The following ENPP6 variants were observed in gnomAD, a reference collection of about 807,000 sequenced individuals.
ENPP6 encodes glycerophosphocholine cholinephosphodiesterase ENPP6.
In ENPP6, 32 loss-of-function variants were observed where a neutral mutation model predicts 42.0. The ratio of observed to expected loss-of-function variants is 0.76; its 90% CI spans 0.58 to 1.02. The LOEUF is 1.02. ENPP6 is among the 50% of genes least tolerant of loss of function. The probability of loss-of-function intolerance (pLI) is 0.00; values close to 1 mark genes in which losing one functional copy is unlikely to be tolerated. For missense variants in ENPP6, 552 were observed against 566.8 expected (o/e 0.97, Z 0.27); for synonymous variants, 213 against 216.0 (o/e 0.99, Z 0.12).
At chr4:184,213,808 T>A (rs1389984634) in intron 1 of ENPP6, among the ~76,000 whole-genome samples, 1 of 145,170 alleles carries the variant, frequency 6.9e-6, no homozygotes, top group East Asian at 2.0e-4. Flanking sequence ...TATTGCGGCA[T>A]TATTCACAAT....
At chr4:184,217,140 C>A in intron 1 of ENPP6, 1 of 166,924 alleles carries the variant, frequency 6.0e-6, no homozygotes, top group Non-Finnish European at 1.3e-5. Flanking sequence ...TTTCACAGTC[C>A]AACACACTGA....
intron 2 of ENPP6, among the ~76,000 whole-genome samples, chr4:184,149,322 A>C (rs1006730594): frequency 2.0e-5 from 3 of 152,200 alleles, no homozygotes; most frequent in African/African-American, 7.2e-5. Context: ...CAGGAAAGAG[A>C]AAGAGGCTGT....
intron 1 of ENPP6, among the ~76,000 whole-genome samples, chr4:184,183,852 G>T (rs1255023366): frequency 1.3e-5 from 2 of 152,188 alleles, no homozygotes; most frequent in African/African-American, 4.8e-5. Flanking sequence ...TTCCATCTAG[G>T]TGAAGCCCTG....
At chr4:184,161,594 G>T (rs1202194906) in intron 1 of ENPP6, among the ~76,000 whole-genome samples, 2 of 152,102 alleles carry the variant, frequency 1.3e-5, no homozygotes, top group African/African-American at 4.8e-5. Flanking sequence ...GTTTATAGCA[G>T]CACAATTCAT....
intron 2 of ENPP6, among the ~76,000 whole-genome samples, chr4:184,149,026 C>T (rs184720399): frequency 6.6e-6 from 1 of 152,278 alleles, no homozygotes; most frequent in East Asian, 1.9e-4. Context: ...AAGGCCTCTT[C>T]CAGTCCTAAA....
intron 1 of ENPP6, among the ~76,000 whole-genome samples, chr4:184,175,939 T>C (rs949557570): frequency 3.3e-5 from 5 of 151,284 alleles, no homozygotes; most frequent in African/African-American, 1.2e-4. Flanking sequence ...GTGTAAAAAA[T>C]AGTACAAAAT....
At chr4:184,097,197 C>T in intron 7 of ENPP6, 48 bp downstream of exon 7, 1 of 1,611,566 alleles carries the variant, frequency 6.2e-7, no homozygotes, top group Non-Finnish European at 8.5e-7. Context: ...CTTACAGACA[C>T]TTCCTTGGGA....
chr4:184,117,743 CTT>C lies in ENPP6; in HGVS notation c.675+14_675+15del. On this transcript the variant is annotated intron_variant, in intron 4 of 7. Transcript: ENST00000296741. ...ACAGAGAGAAGGCCAGGCCACGTGT[CTT>C]TGCTTCAGGTCACCTGGATCCACTT... is the stretch of plus-strand genomic sequence containing the variant. The C allele has an allele frequency of 6.2e-7, 1 of 1,612,350 alleles. No individual in the cohort carries two copies. Among genetic ancestry groups the C allele is most frequent in the Non-Finnish European group, 8.5e-7 (1 of 1,178,502 alleles).
chr4:184,196,524 A>T (rs1006405429), intron 1 of ENPP6, among the ~76,000 whole-genome samples: 2 of 152,222 alleles, frequency 1.3e-5, no homozygotes, highest in African/African-American at 2.4e-5. Flanking sequence ...GTGGAAAAGG[A>T]GTTAGCAAGT....
At chr4:184,159,439 G>A (rs1408006601) in intron 1 of ENPP6, among the ~76,000 whole-genome samples, 1 of 152,134 alleles carries the variant, frequency 6.6e-6, no homozygotes, top group Non-Finnish European at 1.5e-5. Flanking sequence ...AGCAGACTAT[G>A]AAAGAAGTGA....
At position 184,190,587 on chromosome 4, in the gene ENPP6, T is replaced by C. The variant is rs753038112; in HGVS notation, c.241+26992A>G. 1.4e-4 allele frequency among the ~76,000 whole-genome samples: 21 copies of C among 152,230 alleles called. 1 individual carries two copies. Among genetic ancestry groups the C allele is most frequent in the Admixed American group, 2.6e-4 (4 of 15,286 alleles). On this transcript the variant is annotated intron_variant, in intron 1 of 7. Coordinates refer to ENST00000296741, the MANE Select transcript of ENPP6 (RefSeq NM_153343.4). ...AGGAAAGCTGGCTAACTATTTAGGA[T>C]ACAGCAGCTTCAAGAAACTTTAAAA...
chr4:184,127,625 T>C (rs1020691139), intron 2 of ENPP6, among the ~76,000 whole-genome samples: 2 of 152,146 alleles, frequency 1.3e-5, no homozygotes, highest in Admixed American at 6.5e-5. Context: ...GGCGTAGTGC[T>C]GTGTGCCTGT....
At chr4:184,099,435 T>A (rs1004947144) in intron 6 of ENPP6, among the ~76,000 whole-genome samples, 4 of 152,160 alleles carry the variant, frequency 2.6e-5, no homozygotes, top group African/African-American at 9.7e-5. Flanking sequence ...GCAGGGTCTG[T>A]GGGGGATGTC....
chr4:184,177,130 G>C (rs536757336), intron 1 of ENPP6, among the ~76,000 whole-genome samples: 2 of 152,290 alleles, frequency 1.3e-5, no homozygotes, highest in Non-Finnish European at 2.9e-5. Context: ...CACAGGGGGA[G>C]GGGTTGCCAC....
intron 1 of ENPP6, among the ~76,000 whole-genome samples, chr4:184,200,436 T>C (rs1732875326): frequency 6.6e-6 from 1 of 152,238 alleles, no homozygotes; most frequent in Non-Finnish European, 1.5e-5. Flanking sequence ...CAAGCATATG[T>C]AATTGGCTAT....
At chr4:184,172,527 G>A (rs558299930) in intron 1 of ENPP6, among the ~76,000 whole-genome samples, 1 of 152,292 alleles carries the variant, frequency 6.6e-6, no homozygotes, top group East Asian at 1.9e-4. Context: ...GCAGCCATAG[G>A]GGATGAACTG....
At chr4:184,133,647 C>G (rs547698069) in intron 2 of ENPP6, among the ~76,000 whole-genome samples, 2 of 151,950 alleles carry the variant, frequency 1.3e-5, no homozygotes, top group African/African-American at 4.8e-5. Context: ...TAGGAGGCAC[C>G]CTTACCATAG....
At chr4:184,139,263 C>T (rs1051473272) in intron 2 of ENPP6, among the ~76,000 whole-genome samples, 6 of 151,738 alleles carry the variant, frequency 4.0e-5, no homozygotes, top group African/African-American at 1.5e-4. Context: ...AGAAATGGAG[C>T]GTGGAAGAGA....
At chr4:184,107,811 A>G (rs1051504182) in intron 6 of ENPP6, among the ~76,000 whole-genome samples, 2 of 151,610 alleles carry the variant, frequency 1.3e-5, no homozygotes, top group Non-Finnish European at 2.9e-5. Flanking sequence ...GCTACTCGGG[A>G]GGCTGAGGCA....
Sources: allele counts gnomAD v4.1 joint callset (sites outside exome capture counted in the v4.1 genomes callset), GRCh38; gene constraint gnomAD v4.1.1; transcripts MANE v1.5; gene names NCBI Gene and HGNC (gene_info 2026-07-23, HGNC 2026-07-21).